SH3GL2: variants seen among roughly 807,000 people sequenced by gnomAD.
The protein encoded by SH3GL2 is endophilin-A1.
In SH3GL2, 24 loss-of-function variants were observed where a neutral mutation model predicts 46.0. The ratio of observed to expected loss-of-function variants is 0.52; its 90% CI spans 0.38 to 0.73. The LOEUF (loss-of-function observed/expected upper bound fraction) is 0.73. Among genes scored for constraint, SH3GL2 ranks in the 30% least tolerant of loss-of-function variants. The pLI, the probability that SH3GL2 is intolerant of heterozygous loss-of-function variation, is 0.00. For missense variants in SH3GL2, 413 were observed against 424.2 expected (o/e 0.97, Z 0.23); for synonymous variants, 196 against 147.1 (o/e 1.33, Z -2.40).
chr9:17,588,124 C>A (rs887777548), intron 1 of SH3GL2, among the ~76,000 whole-genome samples: 1 of 152,074 alleles, frequency 6.6e-6, no homozygotes, highest in Non-Finnish European at 1.5e-5. Context: ...TTATATTTCC[C>A]GTTATTTGCT....
At chr9:17,780,629 C>A (rs1037750938) in intron 3 of SH3GL2, among the ~76,000 whole-genome samples, 1 of 113,790 alleles carries the variant, frequency 8.8e-6, no homozygotes, top group Non-Finnish European at 1.8e-5. Flanking sequence ...ATCCCTCCCC[C>A]CTCCCCCGAC....
chr9:17,664,843 C>T (rs952615314), intron 1 of SH3GL2, among the ~76,000 whole-genome samples: 1 of 150,980 alleles, frequency 6.6e-6, no homozygotes, highest in Non-Finnish European at 1.5e-5. Flanking sequence ...TCCTAGAGGA[C>T]AGTGACATTT....
intron 8 of SH3GL2, among the ~76,000 whole-genome samples, chr9:17,794,192 C>A (rs12377526): frequency 6.6e-6 from 1 of 152,140 alleles, no homozygotes; most frequent in Non-Finnish European, 1.5e-5. Flanking sequence ...CACTCCTACA[C>A]GCAGATTACA....
At chr9:17,765,407 T>C (rs1263987903) in intron 3 of SH3GL2, among the ~76,000 whole-genome samples, 1 of 152,226 alleles carries the variant, frequency 6.6e-6, no homozygotes, top group Non-Finnish European at 1.5e-5. Flanking sequence ...TAAAACTCAG[T>C]TCCTATTGAA....
chr9:17,620,593 T>C (rs941655514), intron 1 of SH3GL2, among the ~76,000 whole-genome samples: 3 of 152,184 alleles, frequency 2.0e-5, no homozygotes, highest in African/African-American at 7.2e-5. Context: ...GGTGCAGTAC[T>C]CTGGGCATGA....
intron 1 of SH3GL2, among the ~76,000 whole-genome samples, chr9:17,606,428 T>A (rs1288597645): frequency 1.3e-5 from 2 of 152,126 alleles, no homozygotes; most frequent in East Asian, 3.8e-4. Flanking sequence ...AACCAGAAGC[T>A]TCCCAAGTGT....
At chr9:17,660,349 G>A (rs1820182073) in intron 1 of SH3GL2, among the ~76,000 whole-genome samples, 1 of 152,148 alleles carries the variant, frequency 6.6e-6, no homozygotes, top group African/African-American at 2.4e-5. Context: ...CTTTGGGTAG[G>A]ATGTGTTCTC....
At chr9:17,679,363 G>T (rs1042086678) in intron 1 of SH3GL2, among the ~76,000 whole-genome samples, 1 of 152,056 alleles carries the variant, frequency 6.6e-6, no homozygotes, top group South Asian at 2.1e-4. Flanking sequence ...TTGTAAGTTG[G>T]ATTCCTAGGT....
intron 1 of SH3GL2, among the ~76,000 whole-genome samples, chr9:17,738,573 T>TAGAGAG (rs1251854075): frequency 0.013 from 607 of 47,408 alleles, 15 homozygotes; most frequent in East Asian, 0.062. Flanking sequence ...TACATATATA[T>TAGAGAG]ATAGAGAGAG....
At chr9:17,609,264 G>A (rs1347880412) in intron 1 of SH3GL2, among the ~76,000 whole-genome samples, 1 of 152,094 alleles carries the variant, frequency 6.6e-6, no homozygotes, top group Non-Finnish European at 1.5e-5. Context: ...AGAGTTTGAA[G>A]CCAGGTAGTC....
At chr9:17,762,588 G>T (rs1319616884) in intron 3 of SH3GL2, among the ~76,000 whole-genome samples, 1 of 152,042 alleles carries the variant, frequency 6.6e-6, no homozygotes, top group African/African-American at 2.4e-5. Flanking sequence ...CTGGATATTT[G>T]TTGCTGTTGT....
At chr9:17,675,231 A>G (rs1820576943) in intron 1 of SH3GL2, among the ~76,000 whole-genome samples, 1 of 152,190 alleles carries the variant, frequency 6.6e-6, no homozygotes. Flanking sequence ...TGCAATAAAC[A>G]TTTGTATCTC....
intron 1 of SH3GL2, among the ~76,000 whole-genome samples, chr9:17,618,059 G>T (rs1482406500): frequency 6.6e-6 from 1 of 152,160 alleles, no homozygotes; most frequent in African/African-American, 2.4e-5. Flanking sequence ...TGGGAGTTCT[G>T]TTGTAGAAAA....
chr9:17,705,050 CAAAA>C (rs151216971), intron 1 of SH3GL2, among the ~76,000 whole-genome samples: 4 of 150,590 alleles, frequency 2.7e-5, no homozygotes, highest in East Asian at 3.9e-4. Context: ...AATTTACAAA[CAAAA>C]AAAAACCCCA....
chr9:17,751,687 G>T (rs987720643), intron 2 of SH3GL2, among the ~76,000 whole-genome samples: 5 of 152,088 alleles, frequency 3.3e-5, no homozygotes, highest in African/African-American at 4.8e-5. Context: ...ACTTTTTAAT[G>T]ATGTCACTCT....
chr9:17,604,563 T>C (rs755620148), intron 1 of SH3GL2, among the ~76,000 whole-genome samples: 107 of 152,328 alleles, frequency 7.0e-4, no homozygotes, highest in Admixed American at 1.6e-3. Context: ...TCTCTGTCCT[T>C]AGCCATGCTG....
chr9:17,622,222 C>T (rs1184499794), intron 1 of SH3GL2, among the ~76,000 whole-genome samples: 2 of 152,078 alleles, frequency 1.3e-5, no homozygotes, highest in East Asian at 1.9e-4. Context: ...CAGGGTGGTA[C>T]ATTAAAAAAA....
At chr9:17,735,654 C>T (rs1822312790) in intron 1 of SH3GL2, 1 of 326,072 alleles carries the variant, frequency 3.1e-6, no homozygotes. Context: ...TTTTGGTAGA[C>T]ACAGGGGTTC....
intron 3 of SH3GL2, among the ~76,000 whole-genome samples, chr9:17,768,470 G>C (rs1347428017): frequency 6.6e-6 from 1 of 151,746 alleles, no homozygotes; most frequent in African/African-American, 2.4e-5. Context: ...TAAGTTAATG[G>C]CACCTCACGT....
Sources: gnomAD v4.1 joint callset for allele counts (sites outside exome capture counted in the v4.1 genomes callset) on GRCh38, gnomAD v4.1.1 for gene constraint, MANE v1.5 for transcripts, NCBI Gene and HGNC (gene_info 2026-07-23, HGNC 2026-07-21) for gene names.